Variants in EFL1 observed in about 807,000 individuals in gnomAD.
EFL1 encodes the protein elongation factor like GTPase 1, also known as elongation factor-like GTPase 1.
EFL1 carries 76 observed loss-of-function variants against 126.7 expected under a neutral mutation model. That is an observed-to-expected ratio of 0.60 (90% confidence interval 0.50 to 0.73). EFL1 has a LOEUF of 0.73. EFL1 is among the 30% of genes least tolerant of loss of function. The probability of loss-of-function intolerance (pLI) is 0.00; values close to 1 mark genes in which losing one functional copy is unlikely to be tolerated. For synonymous variants in EFL1, 410 were observed against 448.4 expected (o/e 0.91, Z 1.08); for missense variants, 1,128 against 1,343.2 (o/e 0.84, Z 2.50).
intron 15 of EFL1, among the ~76,000 whole-genome samples, chr15:82,173,684 T>C (rs2074160399): frequency 6.6e-6 from 1 of 152,140 alleles, no homozygotes; most frequent in Non-Finnish European, 1.5e-5. Flanking sequence ...ACTTTAAAAT[T>C]ACAACTTTAA....
chr15:82,191,566 T>G lies in EFL1; in HGVS notation c.1750+23151A>C, dbSNP rs1025207748. Among the ~76,000 whole-genome samples the G allele has an allele frequency of 2.7e-4, 41 of 150,828 alleles. 1 individual carries two copies. The highest frequency in any genetic ancestry group is 9.9e-4 in the African/African-American group (40 of 40,460). On this transcript the variant is annotated intron_variant, in intron 15 of 19. Coordinates refer to ENST00000268206, the MANE Select transcript of EFL1 (RefSeq NM_024580.6). ...TCCCAAACTCATTCATTTCAGTGAT[T>G]CCTTAGTGCTTGGATGAGGGCAAGC...
chr15:82,204,743 A>G (rs1443702936), intron 15 of EFL1, among the ~76,000 whole-genome samples: 1 of 151,996 alleles, frequency 6.6e-6, no homozygotes, highest in African/African-American at 2.4e-5. Flanking sequence ...CCTCCTTCCT[A>G]TATCTGACAT....
In EFL1 at chr15:82,130,566, T is replaced by C; in HGVS notation, c.3175-5A>G. ...GAAGGGGTCACTGGGAATGATCTTGTAAAAGAAGATGACAGAATGTGCAAG... is the reference window on the plus strand; with the variant it reads ...GAAGGGGTCACTGGGAATGATCTTGCAAAAGAAGATGACAGAATGTGCAAG... On this transcript the variant is annotated splice_region_variant and splice_polypyrimidine_tract_variant and intron_variant, in intron 19 of 19. Transcript: ENST00000268206. 2 of 1,613,102 alleles carry C rather than the reference T, an allele frequency of 1.2e-6. No homozygotes were observed. The highest frequency in any genetic ancestry group is 8.5e-7 in the Non-Finnish European group (1 of 1,179,636).
intron 4 of EFL1, among the ~76,000 whole-genome samples, chr15:82,247,597 G>C (rs1233850038): frequency 6.6e-6 from 1 of 152,092 alleles, no homozygotes; most frequent in East Asian, 1.9e-4. Context: ...GAGATACGTG[G>C]AACATGAATG....
intron 18 of EFL1, 103 bp downstream of exon 18, chr15:82,151,361 TG>T: frequency 8.8e-7 from 1 of 1,133,722 alleles, no homozygotes; most frequent in Non-Finnish European, 1.3e-6. Flanking sequence ...GCACTCCAGC[TG>T]GGGCGACAGA....
chr15:82,157,602 C>A (rs1045507), intron 17 of EFL1, 111 bp downstream of exon 17: 1 of 1,286,840 alleles, frequency 7.8e-7, no homozygotes, highest in Non-Finnish European at 1.1e-6. Context: ...GAGGGCATTT[C>A]ATTTTTCTCC....
chr15:82,241,829 T>C (rs976341436), intron 4 of EFL1, among the ~76,000 whole-genome samples: 6 of 152,204 alleles, frequency 3.9e-5, no homozygotes, highest in Admixed American at 3.9e-4. Flanking sequence ...AACAAAGCAG[T>C]TGGCCAAGTT....
intron 17 of EFL1, 66 bp downstream of exon 17, chr15:82,157,647 G>A: frequency 6.5e-7 from 1 of 1,534,162 alleles, no homozygotes; most frequent in Non-Finnish European, 8.8e-7. Flanking sequence ...AACTGGTTTA[G>A]GAAACACTAA....
At chr15:82,241,199 C>T (rs915451610) in intron 5 of EFL1, 71 bp downstream of exon 5, 3 of 1,573,798 alleles carry the variant, frequency 1.9e-6, no homozygotes, top group African/African-American at 2.7e-5. Context: ...AGTGAAATGC[C>T]TAAAGTCAGT....
chr15:82,204,627 T>C (rs1021927903), intron 15 of EFL1, among the ~76,000 whole-genome samples: 23 of 152,248 alleles, frequency 1.5e-4, no homozygotes, highest in Non-Finnish European at 2.9e-4. Context: ...AAATTATTTC[T>C]CCATTCTGTC....
intron 15 of EFL1, among the ~76,000 whole-genome samples, chr15:82,170,694 A>T (rs191371854): frequency 2.6e-5 from 4 of 152,358 alleles, no homozygotes; most frequent in Admixed American, 2.6e-4. Flanking sequence ...TTGGAGTATG[A>T]CATAAATTGC....
intron 11 of EFL1, among the ~76,000 whole-genome samples, chr15:82,226,602 T>A (rs1049545487): frequency 2.6e-5 from 4 of 152,194 alleles, no homozygotes; most frequent in African/African-American, 9.7e-5. Flanking sequence ...GTTGGGGATA[T>A]GTTCAGTTGA....
At chr15:82,167,319 T>G (rs549465382) in intron 15 of EFL1, among the ~76,000 whole-genome samples, 2 of 152,236 alleles carry the variant, frequency 1.3e-5, no homozygotes, top group Admixed American at 6.5e-5. Context: ...TAAATTGGCA[T>G]GTGAACTCTA....
At chr15:82,201,269 G>C (rs2074465202) in intron 15 of EFL1, among the ~76,000 whole-genome samples, 1 of 152,186 alleles carries the variant, frequency 6.6e-6, no homozygotes, top group Non-Finnish European at 1.5e-5. Context: ...GATTTGGGAG[G>C]CCCAGTCCTT....
Position 82,152,665 on chromosome 15 carries a change from C to CT in EFL1, c.2031-243dup, listed in dbSNP as rs879379483. ...AATCCTTGCATGTACTGGAATTTCACTTTTTTTTTTTTCATTTTCAAGATA... is the reference window on the plus strand; with the variant it reads ...AATCCTTGCATGTACTGGAATTTCACTTTTTTTTTTTTTCATTTTCAAGATA... On this transcript the variant is annotated intron_variant, in intron 17 of 19. Coordinates refer to ENST00000268206, the MANE Select transcript of EFL1 (RefSeq NM_024580.6). 9.1e-3 allele frequency among the ~76,000 whole-genome samples: 1,323 copies of CT among 144,808 alleles called. 14 individuals carry two copies. Among genetic ancestry groups the CT allele is most frequent in the African/African-American group, 0.029 (1,158 of 39,708 alleles). 95.0% of individuals were successfully genotyped at this position (144,808 alleles called of 152,430 possible). A position where few individuals can be genotyped will look rare whatever the true frequency, so the allele number is the denominator to read the frequency against.
chr15:82,134,802 G>C (rs1264383835), intron 19 of EFL1, among the ~76,000 whole-genome samples: 2 of 152,166 alleles, frequency 1.3e-5, no homozygotes, highest in African/African-American at 4.8e-5. Flanking sequence ...CTTTTTCATA[G>C]AAGGGTAAAA....
intron 15 of EFL1, among the ~76,000 whole-genome samples, chr15:82,200,445 A>T (rs981013058): frequency 6.6e-6 from 1 of 152,214 alleles, no homozygotes; most frequent in African/African-American, 2.4e-5. Context: ...GGCTCCAAGC[A>T]GCTTCTGGGG....
At chr15:82,145,749 G>C (rs1292031015) in intron 18 of EFL1, among the ~76,000 whole-genome samples, 2 of 151,310 alleles carry the variant, frequency 1.3e-5, no homozygotes, top group Non-Finnish European at 2.9e-5. Context: ...CAGGAGAATT[G>C]CTTGAACCCC....
At chr15:82,190,151 T>A (rs1307646286) in intron 15 of EFL1, among the ~76,000 whole-genome samples, 2 of 151,996 alleles carry the variant, frequency 1.3e-5, no homozygotes, top group Non-Finnish European at 2.9e-5. Flanking sequence ...TTCCTTTGAG[T>A]TCTATCAGAA....
Sources: gnomAD v4.1 joint callset for allele counts (sites outside exome capture counted in the v4.1 genomes callset) on GRCh38, gnomAD v4.1.1 for gene constraint, MANE v1.5 for transcripts, NCBI Gene and HGNC (gene_info 2026-07-23, HGNC 2026-07-21) for gene names.